The following RYR2 variants were observed in gnomAD, a reference collection of about 807,000 sequenced individuals.
RYR2 encodes cardiac muscle ryanodine receptor-calcium release channel.
RYR2 carries 227 observed loss-of-function variants against 601.1 expected under a neutral mutation model. The ratio of observed to expected loss-of-function variants is 0.38; its 90% CI spans 0.34 to 0.42. The LOEUF (loss-of-function observed/expected upper bound fraction) is 0.42. RYR2 is among the 10% of genes least tolerant of loss of function. The pLI is 1.00. For synonymous variants in RYR2, 2,223 were observed against 2,175.1 expected, an observed-to-expected ratio of 1.02 and a Z score of -0.61; for missense variants, 4,646 against 6,156.5, an observed-to-expected ratio of 0.75 and a Z score of 8.21.
At chr1:237,599,190 G>GC (rs1480194325) in intron 34 of RYR2, among the ~76,000 whole-genome samples, 1 of 152,070 alleles carries the variant, frequency 6.6e-6, no homozygotes, top group African/African-American at 2.4e-5. Flanking sequence ...AAAGTTGAAA[G>GC]CTTTTTTTTC....
intron 17 of RYR2, among the ~76,000 whole-genome samples, chr1:237,480,465 G>A (rs1024031187): frequency 2.0e-5 from 3 of 151,692 alleles, no homozygotes; most frequent in African/African-American, 7.3e-5. Flanking sequence ...TTTGAGATGT[G>A]GCAATTTATA....
intron 10 of RYR2, among the ~76,000 whole-genome samples, chr1:237,398,833 A>G (rs1304371805): frequency 6.6e-6 from 1 of 152,226 alleles, no homozygotes; most frequent in Non-Finnish European, 1.5e-5. Flanking sequence ...CGAAACATGG[A>G]ATCAGCTGTG....
rs2149313981 is a variant in RYR2, at chr1:237,261,760, T to G, written c.49-8737T>G. Among the ~76,000 whole-genome samples, 6 of 152,222 alleles carry G rather than the reference T, an allele frequency of 3.9e-5. No individual in the cohort carries two copies. In the South Asian group the frequency reaches 1.2e-3, roughly 32 times the overall value. ...CGTCATTTGATCAATTTCTCATTCC[T>G]CCTTAAAGTCTTTGCTCAAAAGTCA... On this transcript the variant is annotated intron_variant, in intron 1 of 104. Transcript: ENST00000366574.
intron 10 of RYR2, among the ~76,000 whole-genome samples, chr1:237,405,382 C>A (rs528231674): frequency 6.6e-6 from 1 of 152,284 alleles, no homozygotes; most frequent in East Asian, 1.9e-4. Flanking sequence ...AAATGGAATG[C>A]CCTTGAAACA....
intron 65 of RYR2, 92 bp from the exon 66 acceptor site, chr1:237,701,886 G>T: frequency 1.5e-6 from 1 of 683,748 alleles, no homozygotes; most frequent in Non-Finnish European, 2.6e-6. Flanking sequence ...ATAGTATATA[G>T]CCTAAACTGA....
At chr1:237,759,558 T>C (rs1177164329) in intron 82 of RYR2, among the ~76,000 whole-genome samples, 1 of 152,174 alleles carries the variant, frequency 6.6e-6, no homozygotes, top group Non-Finnish European at 1.5e-5. Context: ...GTGCTTGTGG[T>C]GATGTGTAAG....
intron 11 of RYR2, among the ~76,000 whole-genome samples, chr1:237,417,917 A>G (rs910578376): frequency 6.6e-6 from 1 of 152,118 alleles, no homozygotes; most frequent in Admixed American, 6.5e-5. Context: ...GGTTTTAAAG[A>G]CTTTATTGAT....
At chr1:237,130,025 T>G (rs892045270) in intron 1 of RYR2, among the ~76,000 whole-genome samples, 1 of 152,160 alleles carries the variant, frequency 6.6e-6, no homozygotes, top group African/African-American at 2.4e-5. Flanking sequence ...GAATAAGTTC[T>G]GGAGATCTAT....
chr1:237,178,730 C>T (rs958950417), intron 1 of RYR2, among the ~76,000 whole-genome samples: 1 of 151,924 alleles, frequency 6.6e-6, no homozygotes, highest in South Asian at 2.1e-4. Flanking sequence ...TGCTTGAGCC[C>T]AGAGTTCAAA....
chr1:237,719,898 G>A (rs183887612), intron 73 of RYR2, among the ~76,000 whole-genome samples: 183 of 152,184 alleles, frequency 1.2e-3, no homozygotes, highest in African/African-American at 4.2e-3. Context: ...ATTTGGGCAG[G>A]GACACAGATC....
intron 62 of RYR2, among the ~76,000 whole-genome samples, chr1:237,686,947 G>A (rs1015520738): frequency 1.3e-5 from 2 of 152,002 alleles, no homozygotes; most frequent in Non-Finnish European, 2.9e-5. Flanking sequence ...TCAAGGTTGG[G>A]GACGAAGGAG....
chr1:237,167,499 C>T (rs1310317208), intron 1 of RYR2, among the ~76,000 whole-genome samples: 2 of 152,158 alleles, frequency 1.3e-5, no homozygotes, highest in East Asian at 3.9e-4. Flanking sequence ...AACTTTTAGA[C>T]TCGGTGAATA....
At chr1:237,084,754 T>A (rs1666117211) in intron 1 of RYR2, among the ~76,000 whole-genome samples, 1 of 152,246 alleles carries the variant, frequency 6.6e-6, no homozygotes, top group African/African-American at 2.4e-5. Context: ...AGTCCCTTTT[T>A]AATTCTCTAA....
At position 237,795,292 on chromosome 1, in the gene RYR2, AT is replaced by A; in HGVS notation, c.13920del (p.Asn4642ThrfsTer57). ...WDRLVINTQS[F>X]PNNYWDKFVK... ...TCTATGCTTTTGTATATTTTAGGTC[AT>A]TTCCCAACAACTACTGGGACAAATT... On this transcript the variant is annotated frameshift_variant, in exon 96 of 105. Transcript: ENST00000366574. LOFTEE classifies it high-confidence loss of function. The A allele has an allele frequency of 7.3e-7, 1 of 1,378,286 alleles. No homozygotes were observed. The highest frequency in any genetic ancestry group is 1.0e-6 in the Non-Finnish European group (1 of 999,140). 85.4% of individuals were successfully genotyped at this position (1,378,286 alleles called of 1,614,324 possible). A position where few individuals can be genotyped will look rare whatever the true frequency, so the allele number is the denominator to read the frequency against.
At position 237,456,589 on chromosome 1, in the gene RYR2, T is replaced by A. The variant is rs1658847335; in HGVS notation, c.1477-11T>A. Reference sequence around the variant, plus strand: ...GTCTGATTGTGATTTTTTTTTTTTTTAACGTTCCAGGGAATGATCAACCTC... The same window carrying A: ...GTCTGATTGTGATTTTTTTTTTTTTAAACGTTCCAGGGAATGATCAACCTC... On this transcript the variant is annotated splice_polypyrimidine_tract_variant and intron_variant, in intron 15 of 104. Coordinates refer to ENST00000366574, the MANE Select transcript of RYR2 (RefSeq NM_001035.3). 1.4e-6 allele frequency: 2 copies of A among 1,472,090 alleles called. No individual in the cohort carries two copies. Among genetic ancestry groups the A allele is most frequent in the Admixed American group, 2.2e-5 (1 of 44,580 alleles). The allele number at this position is 1,472,090 out of a possible 1,614,324, so 91.2% of individuals were successfully genotyped here.
At chr1:237,762,084 C>T (rs1024886251) in intron 84 of RYR2, among the ~76,000 whole-genome samples, 6 of 152,182 alleles carry the variant, frequency 3.9e-5, no homozygotes, top group Non-Finnish European at 8.8e-5. Context: ...ATGTGGCTCC[C>T]GTGTTTATTT....
At chr1:237,253,015 A>G (rs1306004206) in intron 1 of RYR2, among the ~76,000 whole-genome samples, 1 of 152,000 alleles carries the variant, frequency 6.6e-6, no homozygotes, top group South Asian at 2.1e-4. Flanking sequence ...AAATACAAAA[A>G]TGAGCCGGGC....
At chr1:237,043,606 ACCTAGTTAGCAT>A (rs961667858) in intron 1 of RYR2, among the ~76,000 whole-genome samples, 2 of 152,080 alleles carry the variant, frequency 1.3e-5, no homozygotes, top group African/African-American at 4.8e-5. Flanking sequence ...GCTAATAATA[ACCTAGTTAGCAT>A]CCTTTCAGTC....
chr1:237,084,833 CTG>C (rs1444490946), intron 1 of RYR2, among the ~76,000 whole-genome samples: 1 of 152,230 alleles, frequency 6.6e-6, no homozygotes, highest in African/African-American at 2.4e-5. Flanking sequence ...ATTTCACCCT[CTG>C]TGCCCATGCA....
Sources: allele counts gnomAD v4.1 joint callset (sites outside exome capture counted in the v4.1 genomes callset), GRCh38; gene constraint gnomAD v4.1.1; transcripts MANE v1.5; gene names NCBI Gene and HGNC (gene_info 2026-07-23, HGNC 2026-07-21).